The following TMEM242 variants were observed in gnomAD, a reference collection of about 807,000 sequenced individuals.
TMEM242 encodes transmembrane protein 242.
TMEM242 carries 10 observed loss-of-function variants against 18.2 expected under a neutral mutation model. The observed-to-expected ratio is 0.55, with a 90% CI of 0.34 to 0.93. The LOEUF (loss-of-function observed/expected upper bound fraction) is 0.93. TMEM242 is among the 40% of genes least tolerant of loss of function. The probability of loss-of-function intolerance (pLI) is 0.02; values close to 1 mark genes in which losing one functional copy is unlikely to be tolerated. For missense variants in TMEM242, 186 were observed against 175.5 expected (o/e 1.06, Z -0.34); for synonymous variants, 57 against 69.9 (o/e 0.81, Z 0.92).
At chr6:157,321,012 CTTT>C (rs1181386580) in intron 2 of TMEM242, among the ~76,000 whole-genome samples, 1 of 102,074 alleles carries the variant, frequency 9.8e-6, no homozygotes, top group Non-Finnish European at 2.1e-5. Context: ...TTTTTTTTTT[CTTT>C]TTTTTTTTTT....
intron 3 of TMEM242, among the ~76,000 whole-genome samples, chr6:157,297,079 T>TA (rs1364251396): frequency 1.3e-5 from 2 of 152,214 alleles, no homozygotes; most frequent in Non-Finnish European, 2.9e-5. Flanking sequence ...TGATGCCACT[T>TA]AGAGAGTCCT....
intron 3 of TMEM242, among the ~76,000 whole-genome samples, chr6:157,304,332 G>A (rs1017699798): frequency 1.2e-4 from 18 of 151,770 alleles, no homozygotes; most frequent in Admixed American, 9.2e-4. Context: ...CGGGCATGGT[G>A]GTGCATGCCT....
intron 3 of TMEM242, among the ~76,000 whole-genome samples, chr6:157,309,680 C>T (rs587728150): frequency 5.3e-5 from 8 of 152,256 alleles, no homozygotes; most frequent in African/African-American, 9.6e-5. Flanking sequence ...CATGAGCCAC[C>T]GCCCACCTAA....
At chr6:157,306,615 TGTAAATGAA>T in intron 3 of TMEM242, among the ~76,000 whole-genome samples, 1 of 151,370 alleles carries the variant, frequency 6.6e-6, no homozygotes, top group Non-Finnish European at 1.5e-5. Context: ...GAGCTCAGGG[TGTAAATGAA>T]GGCATCAGAG....
chr6:157,292,316 A>G lies in TMEM242; in HGVS notation c.*585T>C, dbSNP rs1554246869. 6.6e-6 allele frequency: 1 copy of G among 152,238 alleles called. No homozygotes were observed. The highest frequency in any genetic ancestry group is 1.5e-5 in the Non-Finnish European group (1 of 68,054). The allele number at this position is 152,238 out of a possible 1,614,324, so 9.4% of individuals were successfully genotyped here. ...AAGTATAAGAATTTATAGGGCCTTC[A>G]AGCAAGGGCATCAGGTAAATAACTA... On this transcript the variant is annotated 3_prime_UTR_variant, in exon 4 of 4. Coordinates refer to ENST00000400788, the MANE Select transcript of TMEM242 (RefSeq NM_018452.6).
chr6:157,301,768 C>T (rs1351613173), intron 3 of TMEM242, among the ~76,000 whole-genome samples: 1 of 151,780 alleles, frequency 6.6e-6, no homozygotes, highest in African/African-American at 2.4e-5. Flanking sequence ...CCCATTTCTA[C>T]TAAAAATACA....
At chr6:157,320,828 A>G (rs899200130) in intron 2 of TMEM242, among the ~76,000 whole-genome samples, 21 of 152,194 alleles carry the variant, frequency 1.4e-4, no homozygotes, top group African/African-American at 4.8e-4. Flanking sequence ...GCTTGAAAAG[A>G]CAAGCTCATT....
In TMEM242 at chr6:157,289,505, C is replaced by T. The variant is rs1554246710; in HGVS notation, c.*3396G>A. On this transcript the variant is annotated 3_prime_UTR_variant, in exon 4 of 4. Transcript: ENST00000400788. ...GGAAATTTAACTATTTGATGAAATG[C>T]CTTTGTATGTTACCTGATTTTCATT... 1 of 151,996 alleles carries T rather than the reference C, an allele frequency of 6.6e-6. No individual in the cohort carries two copies. The highest frequency in any genetic ancestry group is 1.5e-5 in the Non-Finnish European group (1 of 68,004). 9.4% of individuals were successfully genotyped at this position (151,996 alleles called of 1,614,324 possible).
Position 157,289,189 on chromosome 6 carries a change from A to C in TMEM242, c.*3712T>G, listed in dbSNP as rs1554246683. ...ATACTTGGGTGGGAAAGTTGAAACG[A>C]TATGTGCTTCTTGGTAGCTGTGATT... On this transcript the variant is annotated 3_prime_UTR_variant, in exon 4 of 4. Coordinates refer to ENST00000400788, the MANE Select transcript of TMEM242 (RefSeq NM_018452.6). Among the ~76,000 whole-genome samples the C allele has an allele frequency of 1.3e-5, 2 of 152,162 alleles. No individual in the cohort carries two copies. Among genetic ancestry groups the C allele is most frequent in the African/African-American group, 4.8e-5 (2 of 41,448 alleles).
At position 157,294,634 on chromosome 6, in the gene TMEM242, A is replaced by G. The variant is rs587650370; in HGVS notation, c.328-1635T>C. Among the ~76,000 whole-genome samples, 53 of 151,546 alleles carry G rather than the reference A, an allele frequency of 3.5e-4. No homozygotes were observed. The South Asian group carries it at 0.011, about 31-fold the overall frequency. ...CAAAGTGCTGGGATTACAGGCGTGA[A>G]CCACCGCGCCCGGCCGCAAGTCATT... On this transcript the variant is annotated intron_variant, in intron 3 of 3. Coordinates refer to ENST00000400788, the MANE Select transcript of TMEM242 (RefSeq NM_018452.6).
At chr6:157,312,352 A>ATCAGTGTCACAGTGTGCACTCACCTAGCG (rs1778174295) in intron 3 of TMEM242, among the ~76,000 whole-genome samples, 1 of 138,714 alleles carries the variant, frequency 7.2e-6, no homozygotes, top group African/African-American at 2.8e-5. Flanking sequence ...ACCTAGCCTC[A>ATCAGTGTCACAGTGTGCACTCACCTAGCG]TCATGTCCCA....
intron 1 of TMEM242, 28 bp downstream of exon 1, chr6:157,323,384 G>A (rs782240957): frequency 2.5e-6 from 4 of 1,609,358 alleles, no homozygotes; most frequent in Non-Finnish European, 3.4e-6. Flanking sequence ...TCACCCCGAC[G>A]CCCGCACCTC....
Position 157,292,644 on chromosome 6 carries a change from G to T in TMEM242, c.*257C>A, listed in dbSNP as rs1361277883. On this transcript the variant is annotated 3_prime_UTR_variant, in exon 4 of 4. Coordinates refer to ENST00000400788, the MANE Select transcript of TMEM242 (RefSeq NM_018452.6). ...TACAAACAGAATCATTTCCTATGGG[G>T]TCCCCTCCACATAAGGAAGTTATTC... 3 of 337,056 alleles carry T rather than the reference G, an allele frequency of 8.9e-6. No homozygotes were observed. Among genetic ancestry groups the T allele is most frequent in the Admixed American group, 4.6e-5 (1 of 21,898 alleles). The allele number at this position is 337,056 out of a possible 1,614,324, so 20.9% of individuals were successfully genotyped here.
Position 157,311,054 on chromosome 6 carries a change from A to G in TMEM242, c.327+7728T>C, listed in dbSNP as rs148499005. Among the ~76,000 whole-genome samples the G allele has an allele frequency of 4.6e-3, 240 of 51,972 alleles. 11 individuals carry two copies. The highest frequency in any genetic ancestry group is 4.9e-3 in the African/African-American group (50 of 10,136). 34.1% of individuals were successfully genotyped at this position (51,972 alleles called of 152,430 possible). A position where few individuals can be genotyped will look rare whatever the true frequency, so the allele number is the denominator to read the frequency against. ...ATAGTGTCCCAGTGTGCGCTCACCT[A>G]ACCCCATCATAGTGCCCCAGTGTGC... On this transcript the variant is annotated intron_variant, in intron 3 of 3. Coordinates refer to ENST00000400788, the MANE Select transcript of TMEM242 (RefSeq NM_018452.6).
At chr6:157,301,246 C>CA (rs1229939893) in intron 3 of TMEM242, among the ~76,000 whole-genome samples, 12 of 151,082 alleles carry the variant, frequency 7.9e-5, no homozygotes, top group East Asian at 3.9e-4. Flanking sequence ...TCATGATCAG[C>CA]AAAAAAAAGA....
intron 3 of TMEM242, among the ~76,000 whole-genome samples, chr6:157,317,447 T>C (rs1583576339): frequency 1.3e-5 from 2 of 152,194 alleles, no homozygotes; most frequent in East Asian, 3.8e-4. Context: ...AGTAGGGTAC[T>C]TTCCCCTCAT....
chr6:157,312,908 G>T (rs1583570365), intron 3 of TMEM242, among the ~76,000 whole-genome samples: 1 of 99,840 alleles, frequency 1.0e-5, no homozygotes, highest in African/African-American at 4.2e-5. Context: ...GTCCCACTGT[G>T]CGCTCACCCG....
chr6:157,293,120 A>G (rs1777705547), intron 3 of TMEM242, 121 bp from the exon 4 acceptor site: 1 of 654,698 alleles, frequency 1.5e-6, no homozygotes, highest in Non-Finnish European at 2.7e-6. Flanking sequence ...GCTAAGGAAC[A>G]TCAATAAAAG....
intron 3 of TMEM242, among the ~76,000 whole-genome samples, chr6:157,309,564 A>AT (rs1419703799): frequency 6.6e-6 from 1 of 152,002 alleles, no homozygotes; most frequent in South Asian, 2.1e-4. Context: ...AATTTTTAAA[A>AT]TTTTTTTGTA....
Sources: allele counts gnomAD v4.1 joint callset (sites outside exome capture counted in the v4.1 genomes callset), GRCh38; gene constraint gnomAD v4.1.1; transcripts MANE v1.5; gene names NCBI Gene and HGNC (gene_info 2026-07-23, HGNC 2026-07-21).